Variants in TRABD2A observed in about 807,000 individuals in gnomAD.
TRABD2A encodes the protein metalloprotease TIKI1.
In TRABD2A, 43 loss-of-function variants were observed where a neutral mutation model predicts 45.6. The ratio of observed to expected loss-of-function variants is 0.94; its 90% CI spans 0.74 to 1.22. The LOEUF is 1.22. Ranked by LOEUF, TRABD2A falls within the 50% of genes most tolerant of loss-of-function variation. The pLI is 0.00. For missense variants in TRABD2A, 642 were observed against 652.4 expected, an observed-to-expected ratio of 0.98 and a Z score of 0.17; for synonymous variants, 269 against 265.0, an observed-to-expected ratio of 1.02 and a Z score of -0.15.
Position 84,824,112 on chromosome 2 carries a change from A to T in TRABD2A, c.1175T>A (p.Val392Glu), listed in dbSNP as rs1332221426. Residue 392 changes from valine (V) to glutamate (E), a missense_variant, in exon 6 of 7, where the codon GTA (valine) becomes GAA (glutamate). Physicochemically the swap from Val to Glu is moderately radical, Grantham distance 121. Coordinates refer to ENST00000409520, the MANE Select transcript of TRABD2A (RefSeq NM_001277053.2). ...PTLEVPAPEA[V>E]SSGHSTLPPL... Reference sequence around the variant, plus strand: ...AGGCAGCGTTGAGTGCCCTGAGGATACGGCTTCTGGTGCCGGTACTTCCAG... The same window carrying T: ...AGGCAGCGTTGAGTGCCCTGAGGATTCGGCTTCTGGTGCCGGTACTTCCAG... 5.6e-6 allele frequency: 9 copies of T among 1,613,960 alleles called. No homozygotes were observed. In the East Asian group the frequency reaches 2.0e-4, roughly 36 times the overall value.
intron 1 of TRABD2A, 104 bp from the exon 2 acceptor site, chr2:84,870,889 A>C: frequency 8.4e-7 from 1 of 1,196,778 alleles, no homozygotes; most frequent in Non-Finnish European, 1.1e-6. Flanking sequence ...AAAAGATATC[A>C]AAGTAGAATT....
intron 2 of TRABD2A, among the ~76,000 whole-genome samples, chr2:84,850,076 C>T (rs1682029547): frequency 6.6e-6 from 1 of 152,186 alleles, no homozygotes; most frequent in Admixed American, 6.5e-5. Context: ...TGCCGTCTTG[C>T]CAAGCTACTA....
At chr2:84,859,606 A>G (rs967018852) in intron 2 of TRABD2A, among the ~76,000 whole-genome samples, 1 of 152,186 alleles carries the variant, frequency 6.6e-6, no homozygotes, top group African/African-American at 2.4e-5. Context: ...GAGCCCTGCA[A>G]CTTGAGGTAA....
intron 2 of TRABD2A, among the ~76,000 whole-genome samples, chr2:84,867,548 C>G (rs1215274256): frequency 6.6e-6 from 1 of 152,114 alleles, no homozygotes; most frequent in African/African-American, 2.4e-5. Context: ...GACTAAAACA[C>G]CAAAAGCAAT....
chr2:84,830,364 T>G lies in TRABD2A; in HGVS notation c.1082+1691A>C, dbSNP rs1461753831. 6.6e-6 allele frequency among the ~76,000 whole-genome samples: 1 copy of G among 151,976 alleles called. No homozygotes were observed. Among genetic ancestry groups the G allele is most frequent in the Non-Finnish European group, 1.5e-5 (1 of 67,976 alleles). On this transcript the variant is annotated intron_variant, in intron 5 of 6. Coordinates refer to ENST00000409520, the MANE Select transcript of TRABD2A (RefSeq NM_001277053.2). The surrounding 1 kb of genome is among the most constrained non-coding windows in gnomAD (Gnocchi z 4.9). ...GGAGAGGCGGGGACGGGATGGAGGC[T>G]CTTCTGAAGCAAGCAGCAGATCCAT... is the stretch of plus-strand genomic sequence containing the variant.
In TRABD2A at chr2:84,879,474, CCGGGCTT is replaced by C. The variant is rs1281493640; in HGVS notation, c.108+1451_108+1457del. On this transcript the variant is annotated intron_variant, in intron 1 of 6. Transcript: ENST00000409520. ...GGGATTACAGGAGTGAGCTACCATG[CCGGGCTT>C]CTTTGATAATTTTTTGTAACGTAAA... 30 of 463,750 alleles carry C rather than the reference CCGGGCTT, an allele frequency of 6.5e-5. No homozygotes were observed. In the South Asian group the frequency reaches 1.9e-3, roughly 29 times the overall value. 28.7% of individuals were successfully genotyped at this position (463,750 alleles called of 1,614,324 possible). A position where few individuals can be genotyped will look rare whatever the true frequency, so the allele number is the denominator to read the frequency against.
chr2:84,863,114 A>C (rs1459686453), intron 2 of TRABD2A, among the ~76,000 whole-genome samples: 1 of 152,150 alleles, frequency 6.6e-6, no homozygotes, highest in Non-Finnish European at 1.5e-5. Flanking sequence ...CAGTAACTGC[A>C]GCACTTCAGC....
chr2:84,858,274 G>A (rs1265168573), intron 2 of TRABD2A, among the ~76,000 whole-genome samples: 3 of 148,282 alleles, frequency 2.0e-5, no homozygotes, highest in Admixed American at 6.7e-5. Flanking sequence ...CTCCAACATC[G>A]TCTCCCACCA....
intron 1 of TRABD2A, among the ~76,000 whole-genome samples, chr2:84,879,354 A>AT (rs1357428632): frequency 1.1e-4 from 16 of 151,262 alleles, no homozygotes; most frequent in Admixed American, 2.6e-4. Context: ...AATTTTTTTT[A>AT]TTTTTTTGTA....
chr2:84,831,364 T>TG (rs773400095), intron 5 of TRABD2A, among the ~76,000 whole-genome samples: 31 of 152,014 alleles, frequency 2.0e-4, no homozygotes, highest in South Asian at 6.2e-4. Flanking sequence ...GTGGTTGTTG[T>TG]TATGACAGCC....
intron 2 of TRABD2A, among the ~76,000 whole-genome samples, chr2:84,864,098 G>A (rs1337071336): frequency 1.3e-5 from 2 of 151,916 alleles, no homozygotes; most frequent in African/African-American, 2.4e-5. Context: ...TCTAAGTCTG[G>A]CAGTTGGCAG....
intron 2 of TRABD2A, among the ~76,000 whole-genome samples, chr2:84,844,160 T>C (rs181108442): frequency 6.6e-6 from 1 of 152,296 alleles, no homozygotes; most frequent in Admixed American, 6.5e-5. Context: ...TGCTTGGTCA[T>C]GCGGTGATTT....
chr2:84,823,460 C>G (rs1277374103), intron 6 of TRABD2A, among the ~76,000 whole-genome samples: 2 of 152,186 alleles, frequency 1.3e-5, no homozygotes, highest in Admixed American at 6.5e-5. Context: ...CTTCCAGAAG[C>G]CTTGTGCCCT....
chr2:84,880,902 C>A (rs1384924450), intron 1 of TRABD2A, 30 bp downstream of exon 1: 1 of 1,564,596 alleles, frequency 6.4e-7, no homozygotes, highest in Non-Finnish European at 8.7e-7. Flanking sequence ...GCAGAGAGGC[C>A]GGCTCTCCAG....
At chr2:84,863,110 C>A (rs920695585) in intron 2 of TRABD2A, among the ~76,000 whole-genome samples, 3 of 152,248 alleles carry the variant, frequency 2.0e-5, no homozygotes, top group Middle Eastern at 6.8e-3. Context: ...CCGACAGTAA[C>A]TGCAGCACTT....
intron 5 of TRABD2A, among the ~76,000 whole-genome samples, chr2:84,824,490 T>G (rs905734347): frequency 6.6e-6 from 1 of 151,778 alleles, no homozygotes; most frequent in East Asian, 1.9e-4. Context: ...GTAATTACTG[T>G]AGTTTTCCAA....
intron 4 of TRABD2A, chr2:84,834,521 A>G (rs187996111): frequency 6.6e-6 from 1 of 152,512 alleles, no homozygotes; most frequent in East Asian, 1.9e-4. Flanking sequence ...TGCAATCATG[A>G]CCACTATCTA....
chr2:84,822,208 A>G, intron 6 of TRABD2A, 108 bp from the exon 7 acceptor site: 1 of 933,288 alleles, frequency 1.1e-6, no homozygotes. Context: ...CTCCTTATAG[A>G]CAGGAATGGG....
intron 1 of TRABD2A, among the ~76,000 whole-genome samples, chr2:84,879,210 G>T (rs190156200): frequency 6.7e-6 from 1 of 148,864 alleles, no homozygotes; most frequent in African/African-American, 2.5e-5. Flanking sequence ...TGGATATAGG[G>T]TCTCGCTCTT....
Sources: gnomAD v4.1 joint callset for allele counts (sites outside exome capture counted in the v4.1 genomes callset) on GRCh38, gnomAD v4.1.1 for gene constraint, Gnocchi (gnomAD v3.1) non-coding constraint, MANE v1.5 for transcripts, NCBI Gene and HGNC (gene_info 2026-07-23, HGNC 2026-07-21) for gene names.